FBN1: variants seen among roughly 807,000 people sequenced by gnomAD.
The protein encoded by FBN1 is fibrillin 1.
Under a neutral mutation model 365.1 loss-of-function variants are expected in FBN1, and 29 were observed. The ratio of observed to expected loss-of-function variants is 0.08; its 90% CI spans 0.06 to 0.11. The LOEUF is 0.11. Ranked by LOEUF, FBN1 falls within the 10% of genes least tolerant of loss-of-function variation. The pLI is 1.00. For missense variants in FBN1, 2,476 were observed against 3,703.2 expected, an observed-to-expected ratio of 0.67 and a Z score of 8.60; for synonymous variants, 1,210 against 1,270.5, an observed-to-expected ratio of 0.95 and a Z score of 1.01.
intron 60 of FBN1, among the ~76,000 whole-genome samples, chr15:48,424,921 A>T (rs1345893956): frequency 6.6e-6 from 1 of 152,218 alleles, no homozygotes; most frequent in African/African-American, 2.4e-5. Flanking sequence ...CAGAACAAAA[A>T]TCTGGACACA....
At chr15:48,481,526 A>C in intron 32 of FBN1, 129 bp downstream of exon 32, 1 of 1,046,534 alleles carries the variant, frequency 9.6e-7, no homozygotes, top group South Asian at 1.8e-5. Flanking sequence ...TAAATTAATG[A>C]AAAATGTTAT....
intron 49 of FBN1, 75 bp from the exon 50 acceptor site, chr15:48,441,921 A>G (rs1413732815): frequency 2.0e-6 from 3 of 1,527,312 alleles, no homozygotes; most frequent in Admixed American, 3.3e-5. Context: ...CACAATGTGG[A>G]CACACAAAGG....
rs376488308 is a variant in FBN1, at chr15:48,513,529, G to T, written c.1588+20C>A. 9 of 1,613,808 alleles carry T rather than the reference G, an allele frequency of 5.6e-6. No individual in the cohort carries two copies. The highest frequency in any genetic ancestry group is 2.2e-5 in the East Asian group (1 of 44,878). ...TTAGCATATATGTCCCACATTCCAC[G>T]TCAGGAGCCAGGACCATACCTCGGC... is the stretch of plus-strand genomic sequence containing the variant. On this transcript the variant is annotated intron_variant, in intron 13 of 65. Transcript: ENST00000316623.
At chr15:48,561,168 T>A (rs1477380757) in intron 6 of FBN1, among the ~76,000 whole-genome samples, 1 of 152,164 alleles carries the variant, frequency 6.6e-6, no homozygotes, top group Non-Finnish European at 1.5e-5. Context: ...AAATGACTTG[T>A]CTTTTCAAGC....
Position 48,485,377 on chromosome 15 carries a change from T to C in FBN1, c.3709A>G (p.Thr1237Ala), listed in dbSNP as rs1459223225. Residue 1237 changes from threonine (T) to alanine (A), a missense_variant, in exon 30 of 66, where the codon ACC (threonine) becomes GCC (alanine). Physicochemically the swap from Thr to Ala is moderately conservative, Grantham distance 58 (BLOSUM62 0). This residue lies in a region of FBN1 where 1,780 missense variants were observed against 2,840.8 expected (regional missense o/e 0.63). Coordinates refer to ENST00000316623, the MANE Select transcript of FBN1 (RefSeq NM_000138.5). ...FALMPDQRSC[T>A]DIDECEDNPN... ...CATGAGGCTAGAACCTACTCACCGG[T>C]GCATGATCTCTGGTCAGGCATTAGT... 6.2e-7 allele frequency: 1 copy of C among 1,614,194 alleles called. No individual in the cohort carries two copies. The highest frequency in any genetic ancestry group is 8.5e-7 in the Non-Finnish European group (1 of 1,180,022).
Position 48,421,699 on chromosome 15 carries a change from G to A in FBN1, c.7571-13C>T, listed in dbSNP as rs752468560. ...CATTCATTGTTATCTATGAGAAGCA[G>A]TGGGGGCAAAGAGGGGTTAAAATTC... On this transcript the variant is annotated splice_polypyrimidine_tract_variant and intron_variant, in intron 61 of 65. Coordinates refer to ENST00000316623, the MANE Select transcript of FBN1 (RefSeq NM_000138.5). 6.2e-7 allele frequency: 1 copy of A among 1,612,708 alleles called. No individual in the cohort carries two copies. Among genetic ancestry groups the A allele is most frequent in the Non-Finnish European group, 8.5e-7 (1 of 1,179,556 alleles).
intron 2 of FBN1, among the ~76,000 whole-genome samples, chr15:48,634,547 T>C (rs140487419): frequency 6.6e-6 from 1 of 152,224 alleles, no homozygotes; most frequent in African/African-American, 2.4e-5. Flanking sequence ...CTCCTCCTGC[T>C]TCCCTCAGGC....
intron 44 of FBN1, among the ~76,000 whole-genome samples, 168 bp downstream of exon 44, chr15:48,456,468 AT>A (rs201118654): frequency 6.2e-4 from 91 of 146,414 alleles, no homozygotes; most frequent in Admixed American, 8.1e-4. Flanking sequence ...AAGTTAGTGA[AT>A]TTTTTTTTTT....
At chr15:48,465,226 T>C (rs1009797794) in intron 40 of FBN1, among the ~76,000 whole-genome samples, 1 of 152,144 alleles carries the variant, frequency 6.6e-6, no homozygotes, top group African/African-American at 2.4e-5. Context: ...CTCCTCCAAA[T>C]AGAGAAGGAA....
At chr15:48,570,588 T>C (rs999011644) in intron 6 of FBN1, among the ~76,000 whole-genome samples, 3 of 152,186 alleles carry the variant, frequency 2.0e-5, no homozygotes, top group Admixed American at 2.0e-4. Flanking sequence ...CTAACATTTC[T>C]TAAAATGTTT....
At chr15:48,444,504 G>A (rs754660811) in intron 49 of FBN1, 37 bp downstream of exon 49, 17 of 1,611,880 alleles carry the variant, frequency 1.1e-5, no homozygotes, top group South Asian at 7.7e-5. Flanking sequence ...GTGGACACCC[G>A]ACACTCCTCA....
Position 48,515,384 on chromosome 15 carries a change from T to C in FBN1, c.1468+3A>G. ...TGGTGCCAACCTAGGATGGATCACG[T>C]ACCAATACACTCCCCACGGAGGTCC... On this transcript the variant is annotated splice_donor_region_variant and intron_variant, in intron 12 of 65. Coordinates refer to ENST00000316623, the MANE Select transcript of FBN1 (RefSeq NM_000138.5). The C allele has an allele frequency of 1.2e-6, 2 of 1,613,912 alleles. No individual in the cohort carries two copies. Among genetic ancestry groups the C allele is most frequent in the Non-Finnish European group, 1.7e-6 (2 of 1,179,854 alleles).
At chr15:48,562,340 T>C (rs867531781) in intron 6 of FBN1, among the ~76,000 whole-genome samples, 2 of 152,186 alleles carry the variant, frequency 1.3e-5, no homozygotes, top group African/African-American at 4.8e-5. Flanking sequence ...AACTTTACAA[T>C]TCTGAAAGAG....
At chr15:48,488,288 T>C in intron 26 of FBN1, 47 bp from the exon 27 acceptor site, 1 of 1,613,958 alleles carries the variant, frequency 6.2e-7, no homozygotes, top group South Asian at 1.1e-5. Flanking sequence ...AGGACAGCCT[T>C]AATTCTTGCG....
chr15:48,519,535 A>G (rs868018363), intron 10 of FBN1, among the ~76,000 whole-genome samples: 2 of 152,244 alleles, frequency 1.3e-5, no homozygotes, highest in African/African-American at 4.8e-5. Flanking sequence ...CCAGAACCAC[A>G]GGAGCACAAG....
intron 24 of FBN1, among the ~76,000 whole-genome samples, chr15:48,492,022 T>C (rs1055340162): frequency 1.3e-5 from 2 of 152,170 alleles, no homozygotes. Context: ...CTGAGCTTTC[T>C]CAGGTTCACT....
intron 15 of FBN1, among the ~76,000 whole-genome samples, chr15:48,506,915 T>A (rs1005625576): frequency 4.6e-5 from 7 of 151,324 alleles, no homozygotes; most frequent in Non-Finnish European, 1.0e-4. Flanking sequence ...TACAGAGCTG[T>A]GGAGCTCTCT....
At chr15:48,569,466 A>G (rs1287430854) in intron 6 of FBN1, among the ~76,000 whole-genome samples, 2 of 152,162 alleles carry the variant, frequency 1.3e-5, no homozygotes, top group Non-Finnish European at 2.9e-5. Flanking sequence ...TTCTACACCT[A>G]AATATCCACC....
chr15:48,610,612 AG>A, intron 4 of FBN1, 115 bp downstream of exon 4: 1 of 773,164 alleles, frequency 1.3e-6, no homozygotes, highest in Non-Finnish European at 2.2e-6. Context: ...CAGAGAAGGC[AG>A]ATGTTCTAGT....
Sources: gnomAD v4.1 joint callset for allele counts (sites outside exome capture counted in the v4.1 genomes callset) on GRCh38, gnomAD v4.1.1 for gene constraint, gnomAD v4.1.1 regional missense constraint, MANE v1.5 for transcripts, NCBI Gene and HGNC (gene_info 2026-07-23, HGNC 2026-07-21) for gene names.